KHDRBS1: variants seen among roughly 807,000 people sequenced by gnomAD.
The protein encoded by KHDRBS1 is KH domain-containing, RNA-binding, signal transduction-associated protein 1.
A neutral mutation model predicts 48.4 loss-of-function variants in KHDRBS1; 7 were observed. That is an observed-to-expected ratio of 0.14 (90% CI 0.08 to 0.27). The LOEUF (loss-of-function observed/expected upper bound fraction) is 0.27, where lower values mean the gene tolerates loss of function less well. Ranked by LOEUF, KHDRBS1 falls within the 10% of genes least tolerant of loss-of-function variation. The probability of loss-of-function intolerance (pLI) is 1.00; values close to 1 mark genes in which losing one functional copy is unlikely to be tolerated. For synonymous variants in KHDRBS1, 241 were observed against 235.8 expected (o/e 1.02, Z -0.20); for missense variants, 458 against 601.2 (o/e 0.76, Z 2.49).
chr1:32,038,002 C>T lies in KHDRBS1; in HGVS notation c.1073C>T (p.Pro358Leu). 6.2e-7 allele frequency: 1 copy of T among 1,614,194 alleles called. No homozygotes were observed. The change falls in exon 6 of 9, where the codon CCT (proline) becomes CTT (leucine). Residue 358 changes from proline (P) to leucine (L), a missense_variant. Pro to Leu is a moderately conservative substitution (Grantham distance 98). Around this residue, in one of 3 missense-constraint regions of KHDRBS1, gnomAD observed 171 missense variants for 228.7 expected, o/e 0.75. Coordinates refer to ENST00000327300, the MANE Select transcript of KHDRBS1 (RefSeq NM_006559.3). ...GCGGGCATCCAGAGGATACCTTTGC[C>T]TCCACCTCCTGCACCAGAAACATAT... ...RTAGIQRIPLPPPPAPETYEE... is the reference protein window; with the variant it reads ...RTAGIQRIPLLPPPAPETYEE...
chr1:32,026,679 T>C (rs745527716), intron 1 of KHDRBS1, among the ~76,000 whole-genome samples: 1 of 152,236 alleles, frequency 6.6e-6, no homozygotes, highest in Non-Finnish European at 1.5e-5. Context: ...TTGAATCGTC[T>C]TGCACTGACC....
intron 1 of KHDRBS1, among the ~76,000 whole-genome samples, chr1:32,023,909 G>GC (rs1010524875): frequency 6.6e-6 from 1 of 152,072 alleles, no homozygotes; most frequent in African/African-American, 2.4e-5. Context: ...AATAAAGTGT[G>GC]CCCCCCACAA....
chr1:32,021,384 T>C (rs906468108), intron 1 of KHDRBS1, among the ~76,000 whole-genome samples: 3 of 152,064 alleles, frequency 2.0e-5, no homozygotes, highest in African/African-American at 7.2e-5. Context: ...CATCAAATTC[T>C]CAGAGGGACC....
At chr1:32,015,665 A>AT (rs1313144838) in intron 1 of KHDRBS1, among the ~76,000 whole-genome samples, 5 of 151,934 alleles carry the variant, frequency 3.3e-5, no homozygotes, top group Non-Finnish European at 5.9e-5. Flanking sequence ...TTCTGGATGT[A>AT]TTTTTTTTAA....
chr1:32,022,185 T>G (rs1638872631), intron 1 of KHDRBS1, among the ~76,000 whole-genome samples: 1 of 151,344 alleles, frequency 6.6e-6, no homozygotes, highest in Non-Finnish European at 1.5e-5. Context: ...GAGACAGGGT[T>G]TCACCATAGT....
intron 10 of KHDRBS1, among the ~76,000 whole-genome samples, chr1:32,056,754 G>C (rs1639483498): frequency 6.6e-6 from 1 of 152,154 alleles, no homozygotes; most frequent in African/African-American, 2.4e-5. Flanking sequence ...GCTCTGATGT[G>C]ATTCTTTCTA....
intron 6 of KHDRBS1, 132 bp from the exon 7 acceptor site, chr1:32,038,420 C>T: frequency 1.2e-6 from 1 of 845,182 alleles, no homozygotes; most frequent in Non-Finnish European, 1.9e-6. Flanking sequence ...CTACAGTAGG[C>T]ATTAACATTT....
intron 1 of KHDRBS1, among the ~76,000 whole-genome samples, chr1:32,017,568 G>A (rs151323905): frequency 4.4e-4 from 65 of 147,034 alleles, no homozygotes; most frequent in African/African-American, 1.6e-3. Flanking sequence ...TAAGTAAAAT[G>A]CTGTTGTATA....
downstream of KHDRBS1, among the ~76,000 whole-genome samples, chr1:32,046,955 G>A (rs2124395689): frequency 6.6e-6 from 1 of 152,286 alleles, no homozygotes; most frequent in East Asian, 1.9e-4. Context: ...AGAGAATTTA[G>A]TCTCAACTCT....
chr1:32,052,005 G>A (rs999106175), intron 10 of KHDRBS1, among the ~76,000 whole-genome samples: 2 of 152,106 alleles, frequency 1.3e-5, no homozygotes, highest in African/African-American at 2.4e-5. Context: ...TTTATTCTCA[G>A]TCTATGCCAT....
intron 1 of KHDRBS1, 87 bp downstream of exon 1, chr1:32,014,464 C>T (rs1473122516): frequency 3.3e-6 from 4 of 1,225,432 alleles, no homozygotes; most frequent in African/African-American, 1.6e-5. Context: ...TTCCCGCCCC[C>T]TCGGGACCGA....
intron 8 of KHDRBS1, among the ~76,000 whole-genome samples, chr1:32,040,397 CA>C (rs1181762586): frequency 2.4e-4 from 35 of 148,306 alleles, no homozygotes; most frequent in African/African-American, 8.5e-4. Context: ...GCCTGGGCAA[CA>C]AAAGTCCGTC....
At chr1:32,037,750 T>C in intron 5 of KHDRBS1, 85 bp from the exon 6 acceptor site, 1 of 1,479,320 alleles carries the variant, frequency 6.8e-7, no homozygotes, top group Non-Finnish European at 9.4e-7. Context: ...AAAATCTGCC[T>C]AATTCCAGAA....
downstream of KHDRBS1, among the ~76,000 whole-genome samples, chr1:32,048,586 T>C (rs940023935): frequency 6.6e-6 from 1 of 152,220 alleles, no homozygotes; most frequent in South Asian, 2.1e-4. Context: ...GGTTAGCTTC[T>C]GTTAGTATAA....
At chr1:32,015,999 T>G (rs1296286909) in intron 1 of KHDRBS1, among the ~76,000 whole-genome samples, 1 of 152,030 alleles carries the variant, frequency 6.6e-6, no homozygotes, top group Non-Finnish European at 1.5e-5. Context: ...ATCAACATGG[T>G]GAAACCCCGT....
At chr1:32,030,149 T>TAA in intron 1 of KHDRBS1, 149 bp from the exon 2 acceptor site, 1 of 551,850 alleles carries the variant, frequency 1.8e-6, no homozygotes, top group Non-Finnish European at 3.1e-6. Context: ...CATATAGCTT[T>TAA]AGTGCTTTCA....
At chr1:32,058,073 G>T (rs115524797) in intron 10 of KHDRBS1, among the ~76,000 whole-genome samples, 1 of 150,998 alleles carries the variant, frequency 6.6e-6, no homozygotes, top group African/African-American at 2.4e-5. Context: ...AGCCGAGATC[G>T]CACCACCGTA....
At chr1:32,046,546 C>T (rs1300714080), downstream of KHDRBS1, among the ~76,000 whole-genome samples, 1 of 152,136 alleles carries the variant, frequency 6.6e-6, no homozygotes, top group Non-Finnish European at 1.5e-5. Context: ...TTAGGAGGTC[C>T]TTCATAGGGA....
rs1435919949 is a variant in KHDRBS1 at position 32,013,915 on chromosome 1, C to G, written c.-81C>G. 2 of 1,292,050 alleles carry G rather than the reference C, an allele frequency of 1.5e-6. No individual in the cohort carries two copies. Among genetic ancestry groups the G allele is most frequent in the East Asian group, 3.1e-5 (1 of 31,912 alleles). The allele number at this position is 1,292,050 out of a possible 1,614,324, so 80.0% of individuals were successfully genotyped here. A position where few individuals can be genotyped will look rare whatever the true frequency, so the allele number is the denominator to read the frequency against. ...GGCTTCGGTCGCTACCGCTCCCGCT[C>G]TGCCACCCCCGCCAACCGCCGCTCG... On this transcript the variant is annotated 5_prime_UTR_variant, in exon 1 of 9. Transcript: ENST00000327300.
Sources: allele counts gnomAD v4.1 joint callset (sites outside exome capture counted in the v4.1 genomes callset), GRCh38; gene constraint gnomAD v4.1.1; regional missense constraint gnomAD v4.1.1; transcripts MANE v1.5; gene names NCBI Gene and HGNC (gene_info 2026-07-23, HGNC 2026-07-21).